Variants in NMNAT2 observed in about 807,000 individuals in gnomAD.
NMNAT2 encodes nicotinamide nucleotide adenylyltransferase 2, also known as nicotinamide/nicotinic acid mononucleotide adenylyltransferase 2.
NMNAT2 carries 11 observed loss-of-function variants against 41.6 expected under a neutral mutation model. The observed-to-expected ratio is 0.26, with a 90% CI of 0.17 to 0.44. The LOEUF is 0.44. NMNAT2 is among the 20% of genes least tolerant of loss of function. The pLI is 1.00. For missense variants in NMNAT2, 288 were observed against 407.7 expected, an observed-to-expected ratio of 0.71 and a Z score of 2.53; for synonymous variants, 148 against 151.2, an observed-to-expected ratio of 0.98 and a Z score of 0.16.
chr1:183,270,029 A>G (rs1198260673), intron 8 of NMNAT2, among the ~76,000 whole-genome samples: 1 of 152,060 alleles, frequency 6.6e-6, no homozygotes, highest in Non-Finnish European at 1.5e-5. Flanking sequence ...GACTACAGGC[A>G]CCCGCAACCA....
At chr1:183,364,879 G>A (rs982174568) in intron 1 of NMNAT2, among the ~76,000 whole-genome samples, 9 of 152,002 alleles carry the variant, frequency 5.9e-5, no homozygotes, top group Non-Finnish European at 1.3e-4. Context: ...TTTTAGTAGA[G>A]ACAGGGTTTC....
At chr1:183,347,805 C>T (rs1173850054) in intron 1 of NMNAT2, among the ~76,000 whole-genome samples, 6 of 152,290 alleles carry the variant, frequency 3.9e-5, no homozygotes, top group Admixed American at 1.3e-4. Context: ...TACCACTCTC[C>T]TGGTGTTAGA....
intron 1 of NMNAT2, among the ~76,000 whole-genome samples, chr1:183,324,662 T>C (rs1662424390): frequency 6.6e-6 from 1 of 152,172 alleles, no homozygotes; most frequent in African/African-American, 2.4e-5. Context: ...CCCTTCCTCC[T>C]TTGTGATCCA....
intron 1 of NMNAT2, among the ~76,000 whole-genome samples, chr1:183,318,878 G>A (rs1359282471): frequency 1.3e-5 from 2 of 152,178 alleles, no homozygotes; most frequent in African/African-American, 2.4e-5. Flanking sequence ...TCATTATTTT[G>A]TTGTTATTAT....
intron 1 of NMNAT2, among the ~76,000 whole-genome samples, chr1:183,297,104 T>C (rs1389306972): frequency 2.7e-5 from 4 of 150,050 alleles, no homozygotes; most frequent in African/African-American, 9.9e-5. Context: ...AACCCAGCTC[T>C]ACCCTACCCC....
chr1:183,289,054 G>A (rs557828667), intron 4 of NMNAT2, among the ~76,000 whole-genome samples: 207 of 152,340 alleles, frequency 1.4e-3, no homozygotes, highest in Non-Finnish European at 2.3e-3. Flanking sequence ...GCAATGAAGC[G>A]CCACATCTGT....
chr1:183,327,871 C>T (rs529546786), intron 1 of NMNAT2, among the ~76,000 whole-genome samples: 2 of 152,170 alleles, frequency 1.3e-5, no homozygotes, highest in Non-Finnish European at 2.9e-5. Flanking sequence ...TCCCTGTCCT[C>T]GCTGGCCCTG....
intron 1 of NMNAT2, among the ~76,000 whole-genome samples, chr1:183,336,797 G>A (rs920304458): frequency 2.0e-5 from 3 of 152,108 alleles, no homozygotes; most frequent in Admixed American, 2.0e-4. Flanking sequence ...CTACAAACCA[G>A]AAACAACCCA....
At chr1:183,312,284 T>G (rs1662140496) in intron 1 of NMNAT2, among the ~76,000 whole-genome samples, 1 of 150,586 alleles carries the variant, frequency 6.6e-6, no homozygotes, top group Non-Finnish European at 1.5e-5. Context: ...TTTTTTGAAA[T>G]GAGGTCTCAC....
At chr1:183,305,716 C>CTTT (rs5741563) in intron 1 of NMNAT2, among the ~76,000 whole-genome samples, 30,216 of 122,616 alleles carry the variant, frequency 0.25, 3,840 homozygotes, top group Non-Finnish European at 0.28. Context: ...CCTTTACAGC[C>CTTT]TTTTTTTTTT....
chr1:183,379,370 G>T (rs538802155), intron 1 of NMNAT2, among the ~76,000 whole-genome samples: 2 of 151,844 alleles, frequency 1.3e-5, no homozygotes, highest in Admixed American at 1.3e-4. Context: ...TTGTAGAGAT[G>T]AGGTCTCCCT....
chr1:183,279,507 G>A (rs1661206568), intron 7 of NMNAT2, among the ~76,000 whole-genome samples: 1 of 152,194 alleles, frequency 6.6e-6, no homozygotes, highest in Non-Finnish European at 1.5e-5. Context: ...TCTGCACTGA[G>A]GGCACCACCA....
chr1:183,370,887 T>C (rs906549039), intron 1 of NMNAT2, among the ~76,000 whole-genome samples: 1 of 152,204 alleles, frequency 6.6e-6, no homozygotes, highest in African/African-American at 2.4e-5. Context: ...GCTTTCCCAC[T>C]ATAGCCCCAG....
chr1:183,325,227 T>C (rs756173174), intron 1 of NMNAT2, among the ~76,000 whole-genome samples: 5 of 152,228 alleles, frequency 3.3e-5, no homozygotes, highest in Non-Finnish European at 7.3e-5. Context: ...TCAGAGTTAG[T>C]GGTAGGAGGG....
In NMNAT2 at chr1:183,249,240, G is replaced by A. The variant is rs1159465742; in HGVS notation, c.*3401C>T. 1 of 152,268 alleles carries A rather than the reference G, an allele frequency of 6.6e-6. No individual in the cohort carries two copies. Among genetic ancestry groups the A allele is most frequent in the East Asian group, 1.9e-4 (1 of 5,196 alleles). 9.4% of individuals were successfully genotyped at this position (152,268 alleles called of 1,614,324 possible). A position where few individuals can be genotyped will look rare whatever the true frequency, so the allele number is the denominator to read the frequency against. ...AAAATGAAAGCAAGAAGGCTCTAGA[G>A]GCTGCCTGGGGTTGGGGGTGTGTGA... On this transcript the variant is annotated 3_prime_UTR_variant, in exon 11 of 11. Transcript: ENST00000287713.
intron 1 of NMNAT2, among the ~76,000 whole-genome samples, chr1:183,380,784 C>T (rs774090797): frequency 2.0e-5 from 3 of 152,142 alleles, no homozygotes; most frequent in Non-Finnish European, 2.9e-5. Flanking sequence ...TGTTTCAGTT[C>T]GGTTGGAGTA....
rs924664066 is a variant in NMNAT2 at position 183,277,800 on chromosome 1, A to C, written c.651+753T>G. Among the ~76,000 whole-genome samples the C allele has an allele frequency of 3.3e-5, 5 of 152,214 alleles. No individual in the cohort carries two copies. In the East Asian group the frequency reaches 9.6e-4, roughly 29 times the overall value. On this transcript the variant is annotated intron_variant, in intron 8 of 10. Coordinates refer to ENST00000287713, the MANE Select transcript of NMNAT2 (RefSeq NM_015039.4). ...GATTAAAAACAAACAAACAAACAAA[A>C]AAACTGAGGCAGGTCCAGAGTCACA...
At chr1:183,379,092 A>ATCTATATCTAT (rs142685154) in intron 1 of NMNAT2, among the ~76,000 whole-genome samples, 20,874 of 114,520 alleles carry the variant, frequency 0.18, 1,843 homozygotes, top group Non-Finnish European at 0.23. Context: ...CTATATCTAT[A>ATCTATATCTAT]ATCTATAATC....
chr1:183,318,862 T>G (rs944740622), intron 1 of NMNAT2, among the ~76,000 whole-genome samples: 5 of 152,266 alleles, frequency 3.3e-5, no homozygotes, highest in African/African-American at 1.2e-4. Context: ...CTATGGATTT[T>G]TAACATCATT....
Sources: gnomAD v4.1 joint callset for allele counts (sites outside exome capture counted in the v4.1 genomes callset) on GRCh38, gnomAD v4.1.1 for gene constraint, MANE v1.5 for transcripts, NCBI Gene and HGNC (gene_info 2026-07-23, HGNC 2026-07-21) for gene names.